ARHGAP20: variants seen among roughly 807,000 people sequenced by gnomAD.
ARHGAP20 encodes Rho GTPase activating protein 20.
In ARHGAP20, 34 loss-of-function variants were observed where a neutral mutation model predicts 73.7. The ratio of observed to expected loss-of-function variants is 0.46; its 90% CI spans 0.35 to 0.61. ARHGAP20 has a LOEUF of 0.61. ARHGAP20 is among the 20% of genes least tolerant of loss of function. ARHGAP20 has a pLI of 0.00. For missense variants in ARHGAP20, 1,314 were observed against 1,420.9 expected (o/e 0.92, Z 1.21); for synonymous variants, 523 against 518.2 (o/e 1.01, Z -0.13).
At chr11:110,674,343 C>A (rs1027038047) in intron 2 of ARHGAP20, among the ~76,000 whole-genome samples, 2 of 152,126 alleles carry the variant, frequency 1.3e-5, no homozygotes, top group African/African-American at 4.8e-5. Flanking sequence ...GGTAAGCACT[C>A]CGTTTAAATT....
chr11:110,658,722 C>T (rs982555783), intron 2 of ARHGAP20, among the ~76,000 whole-genome samples: 1 of 152,002 alleles, frequency 6.6e-6, no homozygotes, highest in Non-Finnish European at 1.5e-5. Flanking sequence ...ATTTCTGCAC[C>T]GAGAACTGAG....
At chr11:110,701,121 G>A (rs1473042724) in intron 1 of ARHGAP20, among the ~76,000 whole-genome samples, 3 of 151,682 alleles carry the variant, frequency 2.0e-5, no homozygotes, top group Non-Finnish European at 1.5e-5. Flanking sequence ...GGGATGGCTG[G>A]GTCAAATGGT....
At chr11:110,637,880 G>C (rs1280565710) in intron 2 of ARHGAP20, among the ~76,000 whole-genome samples, 2 of 152,100 alleles carry the variant, frequency 1.3e-5, no homozygotes, top group Non-Finnish European at 2.9e-5. Context: ...AGAAGGAACA[G>C]CATGTCAAAT....
At chr11:110,653,020 G>T (rs762932398) in intron 2 of ARHGAP20, among the ~76,000 whole-genome samples, 7 of 152,058 alleles carry the variant, frequency 4.6e-5, no homozygotes, top group Middle Eastern at 3.2e-3. Context: ...AGCCATATAC[G>T]CAGAGAATTG....
Position 110,577,819 on chromosome 11 carries a change from C to A in ARHGAP20, c.*1551G>T. On this transcript the variant is annotated 3_prime_UTR_variant, in exon 15 of 15. Transcript: ENST00000683387. ...CCTATAGCTAATACTGAAATAACTT[C>A]TTCTATCTTAGAGAAAATATTTTTT... 2 of 985,720 alleles carry A rather than the reference C, an allele frequency of 2.0e-6. No homozygotes were observed. The highest frequency in any genetic ancestry group is 2.4e-6 in the Non-Finnish European group (2 of 829,820). 61.1% of individuals were successfully genotyped at this position (985,720 alleles called of 1,614,324 possible).
chr11:110,635,716 A>G (rs569897273), intron 2 of ARHGAP20, among the ~76,000 whole-genome samples: 2 of 152,204 alleles, frequency 1.3e-5, no homozygotes, highest in South Asian at 4.2e-4. Flanking sequence ...AAAAGGGAAA[A>G]GGAGTTTCTA....
intron 2 of ARHGAP20, among the ~76,000 whole-genome samples, chr11:110,688,476 T>A (rs1327280934): frequency 6.6e-6 from 1 of 151,982 alleles, no homozygotes; most frequent in African/African-American, 2.4e-5. Flanking sequence ...CAGTAAAAAA[T>A]TTTACCCAAA....
At chr11:110,684,234 A>C (rs74362332) in intron 2 of ARHGAP20, among the ~76,000 whole-genome samples, 9,529 of 152,254 alleles carry the variant, frequency 0.063, 382 homozygotes, top group Non-Finnish European at 0.098. Flanking sequence ...AGAAAACAGC[A>C]AACATTAGAA....
chr11:110,687,035 C>CATATATATATATATATATAT (rs142490183), intron 2 of ARHGAP20, among the ~76,000 whole-genome samples: 1,532 of 121,262 alleles, frequency 0.013, 20 homozygotes, highest in Non-Finnish European at 0.016. Flanking sequence ...AAGATTAAAA[C>CATATATATATATATATATAT]ATATATATAT....
intron 11 of ARHGAP20, among the ~76,000 whole-genome samples, chr11:110,586,569 T>C (rs1235925535): frequency 2.0e-5 from 3 of 152,166 alleles, no homozygotes; most frequent in African/African-American, 4.8e-5. Context: ...GGACAACTCA[T>C]TTGGCTGAAA....
intron 2 of ARHGAP20, among the ~76,000 whole-genome samples, chr11:110,687,342 C>T (rs952660241): frequency 1.3e-5 from 2 of 152,016 alleles, no homozygotes; most frequent in Non-Finnish European, 2.9e-5. Context: ...GCCACTATGT[C>T]CAGCCAAACA....
intron 4 of ARHGAP20, among the ~76,000 whole-genome samples, chr11:110,619,983 A>T (rs1948594130): frequency 6.6e-6 from 1 of 152,144 alleles, no homozygotes; most frequent in African/African-American, 2.4e-5. Context: ...AGATTCTGGC[A>T]ATTGTCAGTC....
At chr11:110,707,639 A>G (rs918046467) in intron 1 of ARHGAP20, among the ~76,000 whole-genome samples, 9 of 152,090 alleles carry the variant, frequency 5.9e-5, no homozygotes, top group Non-Finnish European at 8.8e-5. Context: ...CAGCATCTAC[A>G]TGCTAGCTCC....
rs187243323 is a variant in ARHGAP20 at position 110,643,212 on chromosome 11, C to T, written c.189-12420G>A. 2.2e-3 allele frequency among the ~76,000 whole-genome samples: 334 copies of T among 152,088 alleles called. 1 individual carries two copies. Among genetic ancestry groups the T allele is most frequent in the Admixed American group, 5.3e-3 (81 of 15,254 alleles). On this transcript the variant is annotated intron_variant, in intron 2 of 14. Coordinates refer to ENST00000683387, the MANE Select transcript of ARHGAP20 (RefSeq NM_001384657.1). ...AGTCTCTCAATCTTGTTTATTCTTT[C>T]AAAAAATCAACTTCTGGTTTTACTG...
At chr11:110,660,068 A>AT (rs1949571803) in intron 2 of ARHGAP20, among the ~76,000 whole-genome samples, 1 of 150,874 alleles carries the variant, frequency 6.6e-6, no homozygotes, top group Non-Finnish European at 1.5e-5. Flanking sequence ...AAACAAAAAA[A>AT]AAAAAAAAAA....
At chr11:110,648,537 T>C (rs1015086223) in intron 2 of ARHGAP20, among the ~76,000 whole-genome samples, 19 of 149,972 alleles carry the variant, frequency 1.3e-4, no homozygotes, top group Admixed American at 4.7e-4. Context: ...CAGGCTGAAG[T>C]GCAGTGGCTC....
At chr11:110,650,053 ATC>A (rs1949314977) in intron 2 of ARHGAP20, among the ~76,000 whole-genome samples, 1 of 152,188 alleles carries the variant, frequency 6.6e-6, no homozygotes, top group South Asian at 2.1e-4. Flanking sequence ...TATGAGCAGT[ATC>A]TGACTCATAA....
intron 2 of ARHGAP20, among the ~76,000 whole-genome samples, chr11:110,664,176 G>T (rs1334226209): frequency 2.0e-5 from 3 of 151,956 alleles, no homozygotes; most frequent in African/African-American, 7.3e-5. Flanking sequence ...GCAGATTTTG[G>T]CCAGATAAAT....
intron 2 of ARHGAP20, among the ~76,000 whole-genome samples, chr11:110,684,581 G>C (rs370936230): frequency 2.1e-4 from 32 of 151,724 alleles, no homozygotes; most frequent in East Asian, 1.5e-3. Flanking sequence ...TCTAAACAAA[G>C]GAAAAAAACT....
Sources: gnomAD v4.1 joint callset for allele counts (sites outside exome capture counted in the v4.1 genomes callset) on GRCh38, gnomAD v4.1.1 for gene constraint, MANE v1.5 for transcripts, NCBI Gene and HGNC (gene_info 2026-07-23, HGNC 2026-07-21) for gene names.